The following PALM2AKAP2 variants were observed in gnomAD, a reference collection of about 807,000 sequenced individuals.
The protein encoded by PALM2AKAP2 is PALM2 and AKAP2 fusion.
Under a neutral mutation model 71.5 loss-of-function variants are expected in PALM2AKAP2, and 37 were observed. The ratio of observed to expected loss-of-function variants is 0.52; its 90% CI spans 0.40 to 0.68. PALM2AKAP2 has a LOEUF of 0.68. Ranked by LOEUF, PALM2AKAP2 falls within the 30% of genes least tolerant of loss-of-function variation. The pLI is 0.00. For missense variants in PALM2AKAP2, 1,224 were observed against 1,191.8 expected (o/e 1.03, Z -0.40); for synonymous variants, 468 against 478.8 (o/e 0.98, Z 0.29).
chr9:110,079,344 A>C (rs1834391964), intron 1 of PALM2AKAP2, among the ~76,000 whole-genome samples: 1 of 152,082 alleles, frequency 6.6e-6, no homozygotes, highest in African/African-American at 2.4e-5. Flanking sequence ...AAAAATAAAA[A>C]AATTAGCCAA....
chr9:109,708,210 C>T (rs1224648738), intron 1 of PALM2AKAP2, among the ~76,000 whole-genome samples: 5 of 152,186 alleles, frequency 3.3e-5, no homozygotes, highest in Non-Finnish European at 4.4e-5. Context: ...TTCCTGATCA[C>T]ATCCAATGCC....
chr9:110,048,928 G>A, intron 1 of PALM2AKAP2: 1 of 1,411,322 alleles, frequency 7.1e-7, no homozygotes, highest in East Asian at 2.9e-5. Context: ...CGAGGAAGGG[G>A]TTGCCGAGGA....
chr9:109,728,137 G>A (rs1828502892), intron 1 of PALM2AKAP2, among the ~76,000 whole-genome samples: 1 of 152,210 alleles, frequency 6.6e-6, no homozygotes. Flanking sequence ...TTCAAGTCTT[G>A]CAGATTGGAT....
intron 6 of PALM2AKAP2, among the ~76,000 whole-genome samples, chr9:109,985,115 G>T (rs1832348469): frequency 6.6e-6 from 1 of 151,980 alleles, no homozygotes. Flanking sequence ...GGCAGAGGTT[G>T]CAGTGAGCCA....
At chr9:109,929,743 A>T (rs1831048410) in intron 5 of PALM2AKAP2, among the ~76,000 whole-genome samples, 1 of 151,556 alleles carries the variant, frequency 6.6e-6, no homozygotes, top group Non-Finnish European at 1.5e-5. Flanking sequence ...GGGCGCCTGT[A>T]GTCCCAGCTA....
intron 6 of PALM2AKAP2, chr9:109,943,216 A>G: frequency 6.2e-7 from 1 of 1,614,218 alleles, no homozygotes; most frequent in Non-Finnish European, 8.5e-7. Context: ...ATTGGTCCTC[A>G]TTGATGAAGA....
intron 3 of PALM2AKAP2, among the ~76,000 whole-genome samples, chr9:109,882,939 G>T (rs980317406): frequency 2.6e-5 from 4 of 152,178 alleles, no homozygotes; most frequent in African/African-American, 9.6e-5. Flanking sequence ...GTGAACCACC[G>T]TGTCCGTCCT....
At chr9:109,847,537 C>T (rs571449357) in intron 1 of PALM2AKAP2, 3 of 152,224 alleles carry the variant, frequency 2.0e-5, no homozygotes, top group South Asian at 2.1e-4. Context: ...GTCAGGAGAT[C>T]GAGACCATCC....
chr9:109,838,299 G>A (rs1456726412), intron 1 of PALM2AKAP2, among the ~76,000 whole-genome samples: 1 of 152,142 alleles, frequency 6.6e-6, no homozygotes, highest in African/African-American at 2.4e-5. Flanking sequence ...ATGAAATGAA[G>A]GCAGAAGTAA....
At chr9:109,706,165 T>C (rs1405573362) in intron 1 of PALM2AKAP2, among the ~76,000 whole-genome samples, 1 of 152,218 alleles carries the variant, frequency 6.6e-6, no homozygotes, top group Non-Finnish European at 1.5e-5. Flanking sequence ...ATGAGATATG[T>C]TCAAGATGTA....
intron 1 of PALM2AKAP2, among the ~76,000 whole-genome samples, chr9:109,734,881 G>A (rs1026446701): frequency 5.3e-5 from 8 of 151,966 alleles, no homozygotes; most frequent in Non-Finnish European, 1.2e-4. Flanking sequence ...CCCCTCCCTG[G>A]AGAAATAGAT....
At chr9:109,741,500 G>A (rs1437705235) in intron 1 of PALM2AKAP2, among the ~76,000 whole-genome samples, 1 of 152,182 alleles carries the variant, frequency 6.6e-6, no homozygotes, top group African/African-American at 2.4e-5. Context: ...GGGTCATAGG[G>A]CGACAGATGT....
At chr9:109,890,925 A>G (rs1830074966) in intron 3 of PALM2AKAP2, among the ~76,000 whole-genome samples, 1 of 152,186 alleles carries the variant, frequency 6.6e-6, no homozygotes, top group South Asian at 2.1e-4. Context: ...CAGGGATCCT[A>G]GAGTCTTGTG....
In PALM2AKAP2 at chr9:110,055,205, T is replaced by TC. The variant is rs1833808243; in HGVS notation, c.156+6350_156+6351insC. 2.0e-5 allele frequency among the ~76,000 whole-genome samples: 3 copies of TC among 151,980 alleles called. No individual in the cohort carries two copies. The South Asian group carries it at 6.2e-4, about 32-fold the overall frequency. ...TTAAATTTTTATTTATTTATTTATT[T>TC]ATTTTTTGAGACAGAGTTTTGCTCT... On this transcript the variant is annotated intron_variant, in intron 1 of 3. Transcript: ENST00000374525.
intron 1 of PALM2AKAP2, among the ~76,000 whole-genome samples, chr9:109,669,994 C>T (rs1474116379): frequency 6.6e-6 from 1 of 151,844 alleles, no homozygotes; most frequent in East Asian, 1.9e-4. Flanking sequence ...GCCATTCAAA[C>T]ATCTTTTTCC....
At chr9:110,083,389 G>C (rs1351400644) in intron 1 of PALM2AKAP2, among the ~76,000 whole-genome samples, 1 of 152,066 alleles carries the variant, frequency 6.6e-6, no homozygotes, top group Non-Finnish European at 1.5e-5. Context: ...CGTGGTTTTT[G>C]GCATTAGGAT....
intron 1 of PALM2AKAP2, among the ~76,000 whole-genome samples, chr9:110,117,973 TTG>T (rs1171400897): frequency 0.052 from 7,136 of 138,306 alleles, 194 homozygotes; most frequent in Middle Eastern, 0.056. Flanking sequence ...ATATGTCGTT[TTG>T]TGTGTGTGTG....
At chr9:110,105,347 T>G (rs11792528) in intron 1 of PALM2AKAP2, among the ~76,000 whole-genome samples, 11,182 of 152,232 alleles carry the variant, frequency 0.073, 577 homozygotes, top group South Asian at 0.12. Flanking sequence ...TTGTTTATAT[T>G]ATTGCTACTT....
At chr9:109,930,974 A>C (rs1343202931) in intron 5 of PALM2AKAP2, among the ~76,000 whole-genome samples, 2 of 152,234 alleles carry the variant, frequency 1.3e-5, no homozygotes, top group Non-Finnish European at 2.9e-5. Context: ...GTATAGACCT[A>C]CAGTGAGCAG....
Sources: gnomAD v4.1 joint callset for allele counts (sites outside exome capture counted in the v4.1 genomes callset) on GRCh38, gnomAD v4.1.1 for gene constraint, MANE v1.5 for transcripts, NCBI Gene and HGNC (gene_info 2026-07-23, HGNC 2026-07-21) for gene names.